Variants in GAK observed in about 807,000 individuals in gnomAD.
GAK encodes the protein cyclin G associated kinase.
A neutral mutation model predicts 143.9 loss-of-function variants in GAK; 79 were observed. That is an observed-to-expected ratio of 0.55 (90% CI 0.46 to 0.66). The LOEUF is 0.66. Ranked by LOEUF, GAK falls within the 30% of genes least tolerant of loss-of-function variation. The pLI, the probability that GAK is intolerant of heterozygous loss-of-function variation, is 0.00. For missense variants in GAK, 1,693 were observed against 1,779.7 expected (o/e 0.95, Z 0.88); for synonymous variants, 881 against 765.5 (o/e 1.15, Z -2.49).
Position 851,798 on chromosome 4 carries a change from T to A in GAK, c.3460A>T (p.Ser1154Cys). The change falls in exon 25 of 28, where the codon AGT (serine) becomes TGT (cysteine). Residue 1154 changes from serine to cysteine, a missense_variant. Physicochemically the swap from Ser to Cys is moderately radical, Grantham distance 112. Around this residue, in one of 2 missense-constraint regions of GAK, gnomAD observed 822 missense variants for 788.7 expected, o/e 1.04. Coordinates refer to ENST00000314167, the MANE Select transcript of GAK (RefSeq NM_005255.4). ...QPRPNYASNFSVIGAREERGV... is the reference protein window; with the variant it reads ...QPRPNYASNFCVIGAREERGV... ...CGCTCCTCCCGCGCCCCGATCACACTGAAGTTCGAGGCATAGTTAGGCCTT... is the reference window on the plus strand; with the variant it reads ...CGCTCCTCCCGCGCCCCGATCACACAGAAGTTCGAGGCATAGTTAGGCCTT... 6.2e-7 allele frequency: 1 copy of A among 1,612,726 alleles called. No homozygotes were observed.
intron 1 of GAK, among the ~76,000 whole-genome samples, chr4:924,599 A>G (rs1212718609): frequency 2.0e-5 from 3 of 152,190 alleles, no homozygotes; most frequent in African/African-American, 7.2e-5. Flanking sequence ...AACAGCACAT[A>G]CGGTTTGGAT....
intron 19 of GAK, 106 bp from the exon 20 acceptor site, chr4:868,791 C>T (rs1370455153): frequency 4.3e-6 from 5 of 1,155,448 alleles, no homozygotes; most frequent in Non-Finnish European, 6.0e-6. Context: ...AGCACCGTGG[C>T]AGGCCAGGCC....
At chr4:886,307 G>A (rs992231922) in intron 11 of GAK, 2 of 152,214 alleles carry the variant, frequency 1.3e-5, no homozygotes, top group African/African-American at 2.4e-5. Context: ...GCCAAACTGT[G>A]TCCTCCTAGG....
At chr4:904,924 G>A (rs1577253777) in intron 4 of GAK, 145 bp from the exon 5 acceptor site, 2 of 747,482 alleles carry the variant, frequency 2.7e-6, no homozygotes, top group East Asian at 5.6e-5. Flanking sequence ...GACCAGAGGT[G>A]ACTCCCTTTG....
At chr4:900,329 G>A (rs563531479) in intron 5 of GAK, among the ~76,000 whole-genome samples, 59 of 152,372 alleles carry the variant, frequency 3.9e-4, no homozygotes, top group African/African-American at 1.4e-3. Context: ...CAGCCGTCCA[G>A]ACTCCCACGG....
chr4:868,422 A>C, intron 20 of GAK, 117 bp downstream of exon 20: 1 of 972,454 alleles, frequency 1.0e-6, no homozygotes, highest in Non-Finnish European at 1.5e-6. Context: ...AGCCCCACTG[A>C]GGTGCAACTC....
chr4:849,864 C>G (rs1217888851), intron 27 of GAK, 28 bp downstream of exon 27: 2 of 1,512,954 alleles, frequency 1.3e-6, no homozygotes, highest in Non-Finnish European at 1.8e-6. Flanking sequence ...CTGAAGGCCT[C>G]AAGCGGCCGC....
At chr4:926,994 CTCCCG>C in intron 1 of GAK, among the ~76,000 whole-genome samples, 4 of 44,306 alleles carry the variant, frequency 9.0e-5, no homozygotes, top group Non-Finnish European at 1.7e-4. Flanking sequence ...CCCCGCACCC[CTCCCG>C]GCTCACCAGC....
intron 7 of GAK, 102 bp from the exon 8 acceptor site, chr4:894,111 G>A: frequency 7.5e-7 from 1 of 1,330,352 alleles, no homozygotes; most frequent in Non-Finnish European, 9.9e-7. Flanking sequence ...CACGGGGAAT[G>A]CAGGGGTGAC....
chr4:873,772 C>T (rs368407289), intron 18 of GAK, among the ~76,000 whole-genome samples: 1 of 152,148 alleles, frequency 6.6e-6, no homozygotes, highest in Admixed American at 6.5e-5. Flanking sequence ...GCTAGGTCTT[C>T]GTGTGCAAGG....
intron 1 of GAK, among the ~76,000 whole-genome samples, chr4:920,478 C>T (rs957112611): frequency 5.3e-5 from 8 of 151,572 alleles, no homozygotes; most frequent in African/African-American, 1.7e-4. Context: ...AGGAGAAGGT[C>T]CCAGAAGTCC....
intron 24 of GAK, among the ~76,000 whole-genome samples, chr4:857,569 G>C (rs11731387): frequency 2.6e-5 from 4 of 152,080 alleles, no homozygotes; most frequent in Non-Finnish European, 5.9e-5. Flanking sequence ...TCAATTTCAC[G>C]TAAGTCGTCA....
intron 11 of GAK, chr4:884,382 G>A: frequency 2.5e-6 from 1 of 402,546 alleles, no homozygotes; most frequent in East Asian, 5.5e-5. Flanking sequence ...GCGCTCTCCA[G>A]GGAGGCACGG....
chr4:851,010 T>C lies in GAK; in HGVS notation c.3583A>G (p.Lys1195Glu). Residue 1195 changes from lysine (K) to glutamate (E), a missense_variant, in exon 26 of 28, where the codon AAG becomes GAG. This residue lies in a region of GAK where 822 missense variants were observed against 788.7 expected (regional missense o/e 1.04). Coordinates refer to ENST00000314167, the MANE Select transcript of GAK (RefSeq NM_005255.4). ...SNQGFSSRSD[K>E]KGPKTIAEMR... ...TCTGCAATGGTCTTTGGCCCTTTCT[T>C]GTCAGACCTGGAGGAGAAGCCTTGA... 1.1e-5 allele frequency: 17 copies of C among 1,614,156 alleles called. No homozygotes were observed. The highest frequency in any genetic ancestry group is 2.2e-5 in the East Asian group (1 of 44,872).
intron 5 of GAK, among the ~76,000 whole-genome samples, chr4:904,124 A>G (rs1297776418): frequency 6.6e-6 from 1 of 151,968 alleles, no homozygotes; most frequent in Non-Finnish European, 1.5e-5. Flanking sequence ...GGAGGGAGCC[A>G]CTACCTTGTG....
intron 4 of GAK, among the ~76,000 whole-genome samples, chr4:911,080 C>T (rs1158814117): frequency 6.6e-6 from 1 of 152,176 alleles, no homozygotes; most frequent in Non-Finnish European, 1.5e-5. Flanking sequence ...CCCAACCCAC[C>T]GGCCTCTCTT....
chr4:858,352 C>T (rs946499912), intron 24 of GAK, among the ~76,000 whole-genome samples: 1 of 152,072 alleles, frequency 6.6e-6, no homozygotes, highest in Non-Finnish European at 1.5e-5. Context: ...TGGTTTCAGG[C>T]CGCCCACCGA....
In GAK at chr4:892,918, G is replaced by A. The variant is rs527543553; in HGVS notation, c.990+459C>T. Among the ~76,000 whole-genome samples, 17 of 152,298 alleles carry A rather than the reference G, an allele frequency of 1.1e-4. No homozygotes were observed. The South Asian group carries it at 2.7e-3, about 24-fold the overall frequency. ...GGTCCCAGCATGCCCCCGGGGTCTC[G>A]GCCCTGGGCTGCGGTGGTGACCCTG... is the stretch of plus-strand genomic sequence containing the variant. On this transcript the variant is annotated intron_variant, in intron 9 of 27. Coordinates refer to ENST00000314167, the MANE Select transcript of GAK (RefSeq NM_005255.4).
chr4:914,832 G>A (rs1722816911), intron 1 of GAK, among the ~76,000 whole-genome samples: 1 of 100,252 alleles, frequency 1.0e-5, no homozygotes. Context: ...AACGTACACG[G>A]CCCCCAACAC....
Sources: allele counts gnomAD v4.1 joint callset (sites outside exome capture counted in the v4.1 genomes callset), GRCh38; gene constraint gnomAD v4.1.1; regional missense constraint gnomAD v4.1.1; transcripts MANE v1.5; gene names NCBI Gene and HGNC (gene_info 2026-07-23, HGNC 2026-07-21).